Variants in CTNNA2 observed in about 807,000 individuals in gnomAD.
CTNNA2 encodes the protein catenin alpha-2.
CTNNA2 carries 42 observed loss-of-function variants against 101.0 expected under a neutral mutation model. That is an observed-to-expected ratio of 0.42 (90% CI 0.32 to 0.54). CTNNA2 has a LOEUF of 0.54. CTNNA2 is among the 20% of genes least tolerant of loss of function. The pLI, the probability that CTNNA2 is intolerant of heterozygous loss-of-function variation, is 0.14. For synonymous variants in CTNNA2, 450 were observed against 456.4 expected, an observed-to-expected ratio of 0.99 and a Z score of 0.18; for missense variants, 871 against 1,223.1, an observed-to-expected ratio of 0.71 and a Z score of 4.29.
At chr2:79,850,425 C>T (rs1362299969) in intron 3 of CTNNA2, among the ~76,000 whole-genome samples, 2 of 138,244 alleles carry the variant, frequency 1.4e-5, no homozygotes, top group Non-Finnish European at 3.1e-5. Context: ...CTCCCTCCCT[C>T]TCTCCCTCCC....
At chr2:80,364,934 G>A (rs1228407005) in intron 7 of CTNNA2, among the ~76,000 whole-genome samples, 1 of 152,120 alleles carries the variant, frequency 6.6e-6, no homozygotes, top group Non-Finnish European at 1.5e-5. Flanking sequence ...TTTATGATTA[G>A]TGATGGGGTT....
intron 2 of CTNNA2, among the ~76,000 whole-genome samples, chr2:79,670,670 A>C (rs1251391806): frequency 6.6e-6 from 1 of 152,174 alleles, no homozygotes; most frequent in East Asian, 1.9e-4. Flanking sequence ...AATTTTTTAA[A>C]AACCTAATAC....
At chr2:79,786,875 C>G (rs1009708689) in intron 3 of CTNNA2, among the ~76,000 whole-genome samples, 1 of 152,096 alleles carries the variant, frequency 6.6e-6, no homozygotes, top group Admixed American at 6.6e-5. Flanking sequence ...AACTGTTTAT[C>G]GATCTGGGAA....
At chr2:80,408,628 T>C (rs1008098765) in intron 8 of CTNNA2, among the ~76,000 whole-genome samples, 1 of 152,200 alleles carries the variant, frequency 6.6e-6, no homozygotes, top group Admixed American at 6.5e-5. Context: ...CAATGGCAGA[T>C]ATTAGATACT....
At chr2:79,601,498 T>C (rs1186339958) in intron 1 of CTNNA2, among the ~76,000 whole-genome samples, 8 of 152,144 alleles carry the variant, frequency 5.3e-5, no homozygotes, top group Admixed American at 5.2e-4. Flanking sequence ...GGAAGCTCCA[T>C]AGCCTGAGAG....
chr2:79,765,552 C>T (rs1264134520), intron 3 of CTNNA2, among the ~76,000 whole-genome samples: 1 of 152,164 alleles, frequency 6.6e-6, no homozygotes, highest in African/African-American at 2.4e-5. Flanking sequence ...GTTAAAGTTG[C>T]TACTGGACTC....
intron 4 of CTNNA2, among the ~76,000 whole-genome samples, chr2:79,498,668 C>T (rs1330848535): frequency 6.6e-6 from 1 of 152,084 alleles, no homozygotes; most frequent in African/African-American, 2.4e-5. Flanking sequence ...TCTGCATATT[C>T]TGAATGGCAT....
chr2:80,404,912 G>A (rs146785824), intron 8 of CTNNA2, among the ~76,000 whole-genome samples: 1 of 152,264 alleles, frequency 6.6e-6, no homozygotes, highest in African/African-American at 2.4e-5. Flanking sequence ...CTCTTCCTAT[G>A]TCTAAGCCCC....
At chr2:79,489,046 C>T (rs111472342) in intron 4 of CTNNA2, among the ~76,000 whole-genome samples, 1 of 152,282 alleles carries the variant, frequency 6.6e-6, no homozygotes, top group African/African-American at 2.4e-5. Flanking sequence ...TCTCCTTTAT[C>T]GACTTCCATG....
intron 7 of CTNNA2, among the ~76,000 whole-genome samples, chr2:80,080,967 A>AG (rs1230955190): frequency 6.7e-6 from 1 of 150,322 alleles, no homozygotes; most frequent in Admixed American, 6.7e-5. Flanking sequence ...AAAAAAAAAA[A>AG]AAAAAGAAAT....
At chr2:80,131,235 A>G (rs546507755) in intron 7 of CTNNA2, among the ~76,000 whole-genome samples, 1 of 151,960 alleles carries the variant, frequency 6.6e-6, no homozygotes, top group African/African-American at 2.4e-5. Flanking sequence ...ATTTTTGTAT[A>G]TTTAGTAGAC....
intron 15 of CTNNA2, among the ~76,000 whole-genome samples, chr2:80,597,087 T>C (rs1697050468): frequency 6.6e-6 from 1 of 152,198 alleles, no homozygotes; most frequent in Non-Finnish European, 1.5e-5. Flanking sequence ...AGCTTTTTGA[T>C]GTGCTGCTGG....
chr2:79,435,743 T>C (rs115020484), intron 4 of CTNNA2, among the ~76,000 whole-genome samples: 5,295 of 151,846 alleles, frequency 0.035, 124 homozygotes, highest in Non-Finnish European at 0.052. Context: ...CCAGCAAGTA[T>C]GCAGGAGAGG....
At chr2:79,422,472 G>A (rs1245192273) in intron 4 of CTNNA2, among the ~76,000 whole-genome samples, 1 of 152,196 alleles carries the variant, frequency 6.6e-6, no homozygotes, top group East Asian at 1.9e-4. Context: ...CCCAAATGTC[G>A]ATAATGTTGA....
rs186239157 is a variant in CTNNA2, at chr2:79,650,888, G to T, written c.-5-664G>T. On this transcript the variant is annotated intron_variant, in intron 1 of 18. Transcript: ENST00000402739. The stretch of plus-strand genomic sequence containing the variant: ...ACCTATGAGTGAGAATATGCGGTGT[G>T]TGGTTTTTTGTTCTTGCAATAGTTT... Among the ~76,000 whole-genome samples the T allele has an allele frequency of 8.3e-3, 1,245 of 149,314 alleles. 26 individuals carry two copies. The highest frequency in any genetic ancestry group is 0.028 in the African/African-American group (1,132 of 40,476).
intron 7 of CTNNA2, among the ~76,000 whole-genome samples, chr2:80,175,168 G>A (rs570241198): frequency 2.6e-5 from 4 of 152,118 alleles, no homozygotes; most frequent in Admixed American, 6.5e-5. Context: ...GGACCTTTGC[G>A]TATGCTCTTC....
At chr2:79,624,482 A>G (rs943136037) in intron 1 of CTNNA2, among the ~76,000 whole-genome samples, 5 of 152,114 alleles carry the variant, frequency 3.3e-5, no homozygotes, top group African/African-American at 1.2e-4. Context: ...GGTTTGGAAA[A>G]TATGAAAAGA....
intron 3 of CTNNA2, among the ~76,000 whole-genome samples, chr2:79,823,865 C>T (rs540038118): frequency 5.2e-4 from 79 of 152,222 alleles, no homozygotes; most frequent in African/African-American, 1.9e-3. Context: ...AAAAACCTTA[C>T]TACTTGGTTT....
intron 2 of CTNNA2, among the ~76,000 whole-genome samples, chr2:79,258,624 A>G (rs1055436107): frequency 1.2e-4 from 18 of 152,184 alleles, no homozygotes; most frequent in Admixed American, 6.5e-4. Context: ...AATGTTTTTC[A>G]GAGAAAATAG....
Sources: allele counts gnomAD v4.1 joint callset (sites outside exome capture counted in the v4.1 genomes callset), GRCh38; gene constraint gnomAD v4.1.1; transcripts MANE v1.5; gene names NCBI Gene and HGNC (gene_info 2026-07-23, HGNC 2026-07-21).